The following GPATCH2 variants were observed in gnomAD, a reference collection of about 807,000 sequenced individuals.
GPATCH2 encodes G-patch domain containing 2.
Under a neutral mutation model 58.0 loss-of-function variants are expected in GPATCH2, and 51 were observed. The ratio of observed to expected loss-of-function variants is 0.88; its 90% CI spans 0.70 to 1.11. The LOEUF is 1.11. Among genes scored for constraint, GPATCH2 ranks in the 50% most tolerant of loss-of-function variants. The pLI is 0.00. For missense variants in GPATCH2, 625 were observed against 652.2 expected, an observed-to-expected ratio of 0.96 and a Z score of 0.45; for synonymous variants, 222 against 218.5, an observed-to-expected ratio of 1.02 and a Z score of -0.14.
intron 5 of GPATCH2, among the ~76,000 whole-genome samples, chr1:217,545,520 A>T (rs1432004711): frequency 1.3e-5 from 2 of 152,194 alleles, no homozygotes; most frequent in African/African-American, 4.8e-5. Flanking sequence ...TTTCTTAAGA[A>T]ATTCTCATCT....
At chr1:217,590,545 G>A (rs897539248) in intron 5 of GPATCH2, among the ~76,000 whole-genome samples, 4 of 152,214 alleles carry the variant, frequency 2.6e-5, no homozygotes, top group African/African-American at 9.7e-5. Flanking sequence ...AGATAGGGAA[G>A]ATGATATACA....
chr1:217,556,546 C>A (rs950486783), intron 5 of GPATCH2, among the ~76,000 whole-genome samples: 1 of 152,178 alleles, frequency 6.6e-6, no homozygotes, highest in African/African-American at 2.4e-5. Flanking sequence ...AGCTGTAGAT[C>A]ATTTTTACTA....
chr1:217,491,192 A>C (rs1661714707), intron 8 of GPATCH2, among the ~76,000 whole-genome samples: 1 of 152,248 alleles, frequency 6.6e-6, no homozygotes, highest in Admixed American at 6.5e-5. Flanking sequence ...TATTGTCTAA[A>C]AAACAAACTG....
At chr1:217,571,291 A>G (rs993378021) in intron 5 of GPATCH2, among the ~76,000 whole-genome samples, 17 of 152,184 alleles carry the variant, frequency 1.1e-4, no homozygotes, top group Admixed American at 5.2e-4. Flanking sequence ...TGACCTCAAC[A>G]TAAGTTTGTG....
At chr1:217,457,517 C>CA (rs1046122604) in intron 8 of GPATCH2, among the ~76,000 whole-genome samples, 4 of 152,114 alleles carry the variant, frequency 2.6e-5, no homozygotes, top group East Asian at 1.9e-4. Context: ...AGCCCAGGCA[C>CA]AAAAAAGTTA....
At chr1:217,469,550 T>A (rs1395063223) in intron 8 of GPATCH2, among the ~76,000 whole-genome samples, 1 of 152,168 alleles carries the variant, frequency 6.6e-6, no homozygotes, top group Non-Finnish European at 1.5e-5. Flanking sequence ...TTATAACTCT[T>A]AAGACATTAT....
intron 2 of GPATCH2, among the ~76,000 whole-genome samples, chr1:217,617,163 A>G (rs1194381204): frequency 6.6e-6 from 1 of 152,224 alleles, no homozygotes; most frequent in Non-Finnish European, 1.5e-5. Context: ...CATAGCAGAT[A>G]GACCTCTGAG....
intron 6 of GPATCH2, 116 bp from the exon 7 acceptor site, chr1:217,498,511 G>C: frequency 1.3e-6 from 1 of 776,164 alleles, no homozygotes; most frequent in Non-Finnish European, 2.3e-6. Context: ...CCTTAAATAT[G>C]CTTTATTTTA....
intron 1 of GPATCH2, among the ~76,000 whole-genome samples, chr1:217,628,584 C>A (rs1432215722): frequency 2.0e-5 from 3 of 146,592 alleles, no homozygotes; most frequent in African/African-American, 7.6e-5. Context: ...TCAATAAAAT[C>A]AAAATACCTA....
chr1:217,491,862 C>CTTT, intron 7 of GPATCH2, 112 bp from the exon 8 acceptor site: 8 of 332,710 alleles, frequency 2.4e-5, no homozygotes, highest in South Asian at 1.3e-4. Context: ...ATTTGCACGG[C>CTTT]TTTTTTTTTT....
intron 5 of GPATCH2, among the ~76,000 whole-genome samples, chr1:217,576,858 T>C (rs1251019242): frequency 1.3e-5 from 2 of 152,208 alleles, no homozygotes; most frequent in Admixed American, 1.3e-4. Flanking sequence ...AGATGGGTAT[T>C]GACAATGCGA....
At chr1:217,628,764 C>T (rs1417344502) in intron 1 of GPATCH2, among the ~76,000 whole-genome samples, 1 of 149,862 alleles carries the variant, frequency 6.7e-6, no homozygotes, top group African/African-American at 2.4e-5. Flanking sequence ...ATTGAAACAG[C>T]AACGTCCACA....
intron 1 of GPATCH2, among the ~76,000 whole-genome samples, chr1:217,623,750 A>C (rs1275249349): frequency 6.6e-6 from 1 of 152,012 alleles, no homozygotes; most frequent in African/African-American, 2.4e-5. Context: ...AAGAATACAA[A>C]AATTAGGCTG....
chr1:217,523,220 G>A (rs1571855022), intron 5 of GPATCH2, among the ~76,000 whole-genome samples: 1 of 151,478 alleles, frequency 6.6e-6, no homozygotes, highest in Admixed American at 6.6e-5. Context: ...GTTTCTCCCA[G>A]AGGGGGATTT....
intron 9 of GPATCH2, among the ~76,000 whole-genome samples, chr1:217,433,763 A>T (rs1050890234): frequency 2.0e-5 from 3 of 152,180 alleles, no homozygotes; most frequent in Non-Finnish European, 4.4e-5. Context: ...AAATAATAGT[A>T]AAAGGAATGT....
chr1:217,432,447 C>G (rs1658586354), intron 9 of GPATCH2, among the ~76,000 whole-genome samples: 1 of 152,102 alleles, frequency 6.6e-6, no homozygotes. Context: ...TTAACAAACA[C>G]CATAACAGTC....
At chr1:217,618,226 T>C (rs1668991961) in intron 2 of GPATCH2, among the ~76,000 whole-genome samples, 1 of 150,676 alleles carries the variant, frequency 6.6e-6, no homozygotes, top group Non-Finnish European at 1.5e-5. Context: ...GGAAACTTTT[T>C]TTTTTTTTTT....
At chr1:217,612,155 T>G (rs1009784449) in intron 3 of GPATCH2, among the ~76,000 whole-genome samples, 2 of 151,676 alleles carry the variant, frequency 1.3e-5, no homozygotes, top group Non-Finnish European at 2.9e-5. Context: ...CCCTCCAGCC[T>G]GGACCACAGG....
At chr1:217,491,362 A>G (rs1202198722) in intron 8 of GPATCH2, 2 of 156,042 alleles carry the variant, frequency 1.3e-5, no homozygotes, top group Non-Finnish European at 2.8e-5. Context: ...ATGCCACTTA[A>G]GTTTAGGGAA....
Sources: allele counts gnomAD v4.1 joint callset (sites outside exome capture counted in the v4.1 genomes callset), GRCh38; gene constraint gnomAD v4.1.1; transcripts MANE v1.5; gene names NCBI Gene and HGNC (gene_info 2026-07-23, HGNC 2026-07-21).